The following MCTP2 variants were observed in gnomAD, a reference collection of about 807,000 sequenced individuals.
MCTP2 encodes multiple C2 and transmembrane domain-containing protein 2.
A neutral mutation model predicts 111.6 loss-of-function variants in MCTP2; 132 were observed. That is an observed-to-expected ratio of 1.18 (90% confidence interval 1.03 to 1.37). The LOEUF is 1.37. Among genes scored for constraint, MCTP2 ranks in the 40% most tolerant of loss-of-function variants. MCTP2 has a pLI of 0.00. For missense variants in MCTP2, 1,183 were observed against 1,067.9 expected, an observed-to-expected ratio of 1.11 and a Z score of -1.50; for synonymous variants, 395 against 387.7, an observed-to-expected ratio of 1.02 and a Z score of -0.22.
intron 12 of MCTP2, among the ~76,000 whole-genome samples, chr15:94,373,313 A>C (rs186873544): frequency 6.6e-6 from 1 of 152,326 alleles, no homozygotes; most frequent in East Asian, 1.9e-4. Context: ...GTATTTTAGA[A>C]CATTAGAATA....
chr15:94,250,986 A>G (rs2072377199), intron 1 of MCTP2, among the ~76,000 whole-genome samples: 1 of 152,256 alleles, frequency 6.6e-6, no homozygotes, highest in South Asian at 2.1e-4. Flanking sequence ...CATAAGTAGC[A>G]TGACTATGGA....
intron 17 of MCTP2, among the ~76,000 whole-genome samples, chr15:94,410,323 G>A (rs1376081674): frequency 6.6e-6 from 1 of 152,120 alleles, no homozygotes; most frequent in Non-Finnish European, 1.5e-5. Context: ...TGTGGTTGGT[G>A]TTCAGGAGTC....
In MCTP2 at chr15:94,370,026, T is replaced by C. The variant is rs1261687585; in HGVS notation, c.1489-61T>C. On this transcript the variant is annotated intron_variant, in intron 11 of 22. Coordinates refer to ENST00000357742, the MANE Select transcript of MCTP2 (RefSeq NM_001385001.1). ...CTAGGATGCACTTCCTATAGGACTT[T>C]ATGACATTAAGTAGTATATTAAAAA... The C allele has an allele frequency of 1.1e-5, 12 of 1,104,928 alleles. No homozygotes were observed. In the East Asian group the frequency reaches 3.0e-4, roughly 28 times the overall value. The allele number at this position is 1,104,928 out of a possible 1,614,324, so 68.4% of individuals were successfully genotyped here. A position where few individuals can be genotyped will look rare whatever the true frequency, so the allele number is the denominator to read the frequency against.
chr15:94,278,013 A>G (rs1262680834), intron 1 of MCTP2: 2 of 152,162 alleles, frequency 1.3e-5, no homozygotes, highest in African/African-American at 2.4e-5. Flanking sequence ...TGCTCTAAAC[A>G]TAGTTCATTA....
intron 1 of MCTP2, among the ~76,000 whole-genome samples, chr15:94,295,879 C>A (rs963069102): frequency 6.6e-6 from 1 of 150,682 alleles, no homozygotes; most frequent in South Asian, 2.1e-4. Context: ...CGTGCCATTG[C>A]ACTCCAGCCT....
In MCTP2 at chr15:94,360,970, A is replaced by AATCTACGG. The variant is rs1426580914; in HGVS notation, c.1301+2359_1301+2366dup. Among the ~76,000 whole-genome samples the AATCTACGG allele has an allele frequency of 4.6e-5, 7 of 151,640 alleles. No homozygotes were observed. In the East Asian group the frequency reaches 1.4e-3, roughly 29 times the overall value. On this transcript the variant is annotated intron_variant, in intron 10 of 22. Coordinates refer to ENST00000357742, the MANE Select transcript of MCTP2 (RefSeq NM_001385001.1). ...CTGCCTCGAGCTTGCAGGTGGGGGA[A>AATCTACGG]ATCTACGGTAAAATATCGACTGCTT...
chr15:94,392,854 A>C (rs563285099), intron 14 of MCTP2, among the ~76,000 whole-genome samples: 1 of 152,022 alleles, frequency 6.6e-6, no homozygotes, highest in South Asian at 2.1e-4. Context: ...AAAACAAAAA[A>C]CTTGGAGAAA....
At chr15:94,311,233 G>A (rs1359365712) in intron 2 of MCTP2, among the ~76,000 whole-genome samples, 1 of 151,756 alleles carries the variant, frequency 6.6e-6, no homozygotes, top group Non-Finnish European at 1.5e-5. Context: ...TGCCATGTTG[G>A]CCAGGCTGGT....
intron 17 of MCTP2, among the ~76,000 whole-genome samples, chr15:94,410,107 G>T (rs2082088362): frequency 6.6e-6 from 1 of 152,116 alleles, no homozygotes. Flanking sequence ...TAAAAACATG[G>T]AATGGGTTAC....
intron 14 of MCTP2, among the ~76,000 whole-genome samples, chr15:94,396,634 C>G (rs2081296897): frequency 6.6e-6 from 1 of 152,070 alleles, no homozygotes; most frequent in Non-Finnish European, 1.5e-5. Flanking sequence ...AATTATAACA[C>G]TATTCAAATG....
At chr15:94,363,862 AC>A (rs1567533382) in intron 10 of MCTP2, among the ~76,000 whole-genome samples, 1 of 152,136 alleles carries the variant, frequency 6.6e-6, no homozygotes, top group Non-Finnish European at 1.5e-5. Context: ...ATGTGATGCC[AC>A]CGGAACAGAC....
intron 19 of MCTP2, among the ~76,000 whole-genome samples, chr15:94,450,200 A>C (rs1187350002): frequency 6.6e-6 from 1 of 152,238 alleles, no homozygotes; most frequent in Non-Finnish European, 1.5e-5. Flanking sequence ...TAGAAATGAT[A>C]TTGATTCAAA....
intron 17 of MCTP2, among the ~76,000 whole-genome samples, chr15:94,412,039 CTGT>C (rs778836185): frequency 1.3e-5 from 2 of 152,130 alleles, no homozygotes; most frequent in Non-Finnish European, 2.9e-5. Flanking sequence ...GACCCAACAG[CTGT>C]TGTTTTTAAT....
At chr15:94,470,480 C>T (rs1042657133) in intron 21 of MCTP2, 38 bp downstream of exon 21, 1 of 1,305,970 alleles carries the variant, frequency 7.7e-7, no homozygotes, top group Non-Finnish European at 1.1e-6. Context: ...CAATCAATTC[C>T]AGGTAAGAAC....
At chr15:94,381,258 A>C (rs570069020) in intron 12 of MCTP2, among the ~76,000 whole-genome samples, 1 of 152,260 alleles carries the variant, frequency 6.6e-6, no homozygotes, top group Non-Finnish European at 1.5e-5. Flanking sequence ...AAGAGAAATC[A>C]ATCCATAAAA....
At chr15:94,400,949 A>G (rs906157182) in intron 16 of MCTP2, among the ~76,000 whole-genome samples, 1 of 152,196 alleles carries the variant, frequency 6.6e-6, no homozygotes, top group African/African-American at 2.4e-5. Context: ...TATTTTGTGT[A>G]ATCTGAGTAA....
chr15:94,325,963 G>A (rs8031358), intron 4 of MCTP2, among the ~76,000 whole-genome samples: 17,091 of 151,580 alleles, frequency 0.11, 1,075 homozygotes, highest in African/African-American at 0.17. Flanking sequence ...GGGATTACAG[G>A]CATGCGCCAC....
intron 9 of MCTP2, 112 bp downstream of exon 9, chr15:94,356,413 C>A: frequency 1.0e-6 from 1 of 990,452 alleles, no homozygotes; most frequent in Non-Finnish European, 1.4e-6. Flanking sequence ...GTTCAGCCCG[C>A]CTAACTATAT....
At chr15:94,309,415 T>C (rs2152352202) in intron 2 of MCTP2, among the ~76,000 whole-genome samples, 1 of 152,322 alleles carries the variant, frequency 6.6e-6, no homozygotes, top group South Asian at 2.1e-4. Context: ...TCAGCCAAAT[T>C]TTTACTCTTA....
Sources: allele counts gnomAD v4.1 joint callset (sites outside exome capture counted in the v4.1 genomes callset), GRCh38; gene constraint gnomAD v4.1.1; transcripts MANE v1.5; gene names NCBI Gene and HGNC (gene_info 2026-07-23, HGNC 2026-07-21).